Variants in C5 observed in about 807,000 individuals in gnomAD.
C5 encodes the protein complement C5, also known as C3 and PZP-like alpha-2-macroglobulin domain-containing protein 4.
A neutral mutation model predicts 218.8 loss-of-function variants in C5; 140 were observed. The ratio of observed to expected loss-of-function variants is 0.64; its 90% CI spans 0.56 to 0.74. The LOEUF (loss-of-function observed/expected upper bound fraction) is 0.74, where lower values mean the gene tolerates loss of function less well. Among genes scored for constraint, C5 ranks in the 30% least tolerant of loss-of-function variants. C5 has a pLI of 0.00. For synonymous variants in C5, 614 were observed against 682.3 expected, an observed-to-expected ratio of 0.90 and a Z score of 1.56; for missense variants, 1,700 against 1,969.6, an observed-to-expected ratio of 0.86 and a Z score of 2.59.
At chr9:120,984,611 A>C (rs1006357021) in intron 25 of C5, among the ~76,000 whole-genome samples, 1 of 152,182 alleles carries the variant, frequency 6.6e-6, no homozygotes, top group Non-Finnish European at 1.5e-5. Flanking sequence ...AATAAATAGA[A>C]ACAACGGACT....
chr9:121,042,461 CT>C (rs1455027561), intron 3 of C5, among the ~76,000 whole-genome samples: 7 of 152,172 alleles, frequency 4.6e-5, no homozygotes, highest in Non-Finnish European at 7.3e-5. Context: ...ATCTGATCCC[CT>C]AGGTTAGATT....
intron 9 of C5, among the ~76,000 whole-genome samples, chr9:121,024,860 T>C (rs905038836): frequency 2.6e-5 from 4 of 152,260 alleles, no homozygotes; most frequent in Admixed American, 2.6e-4. Context: ...CATACATCAT[T>C]AATGTTTGCA....
intron 28 of C5, among the ~76,000 whole-genome samples, chr9:120,977,715 C>T (rs10760132): frequency 0.4 from 60,128 of 152,056 alleles, 12,552 homozygotes; most frequent in South Asian, 0.62. Flanking sequence ...CCACTGCACC[C>T]GGCCTCAATC....
rs1245210107 is a variant in C5 at position 121,008,511 on chromosome 9, A to G, written c.2258-13T>C. 3.2e-6 allele frequency: 5 copies of G among 1,565,204 alleles called. No individual in the cohort carries two copies. Among genetic ancestry groups the G allele is most frequent in the African/African-American group, 1.4e-5 (1 of 73,926 alleles). On this transcript the variant is annotated splice_polypyrimidine_tract_variant and intron_variant, in intron 17 of 40. Coordinates refer to ENST00000223642, the MANE Select transcript of C5 (RefSeq NM_001735.3). ...AGGGTCTTCATGTCTGGACAAAAAA[A>G]TCATATTCAATTATGGAAAAACAAT...
At chr9:121,045,221 T>A (rs1463133176) in intron 2 of C5, among the ~76,000 whole-genome samples, 1 of 152,164 alleles carries the variant, frequency 6.6e-6, no homozygotes, top group African/African-American at 2.4e-5. Context: ...TATGTTTGAC[T>A]AGAAATTTTT....
intron 20 of C5, among the ~76,000 whole-genome samples, chr9:121,003,937 C>T (rs1052554637): frequency 7.9e-5 from 12 of 152,028 alleles, no homozygotes; most frequent in African/African-American, 2.9e-4. Flanking sequence ...GGCGCAATCT[C>T]GGCTCACTGC....
At chr9:121,023,577 A>C in intron 9 of C5, 58 bp from the exon 10 acceptor site, 1 of 936,748 alleles carries the variant, frequency 1.1e-6, no homozygotes, top group Non-Finnish European at 1.8e-6. Flanking sequence ...ATCTGTATGG[A>C]TATCCATTTC....
chr9:121,026,701 G>A (rs1473746952), intron 8 of C5, among the ~76,000 whole-genome samples: 1 of 152,132 alleles, frequency 6.6e-6, no homozygotes, highest in Non-Finnish European at 1.5e-5. Flanking sequence ...TGTGAAGAAT[G>A]TGTTAAGAAA....
At chr9:121,027,324 G>A (rs770231379) in intron 7 of C5, 50 bp from the exon 8 acceptor site, 4 of 879,452 alleles carry the variant, frequency 4.5e-6, no homozygotes, top group Non-Finnish European at 7.5e-6. Flanking sequence ...TACAATAACA[G>A]GATTCAGATA....
intron 22 of C5, 32 bp from the exon 23 acceptor site, chr9:120,991,312 G>A: frequency 8.5e-7 from 1 of 1,182,298 alleles, no homozygotes. Context: ...TTTATACAGA[G>A]TTTCCAGGGG....
At chr9:121,009,984 C>T (rs149929444) in intron 17 of C5, among the ~76,000 whole-genome samples, 16 of 152,326 alleles carry the variant, frequency 1.1e-4, no homozygotes, top group African/African-American at 3.4e-4. Context: ...AGAGGGGCAT[C>T]GCTCATCCCA....
In C5 at chr9:120,962,744, G is replaced by A; in HGVS notation, c.4431C>T (p.Phe1477=). The change falls in exon 36 of 41, where the codon TTC becomes TTT. Residue 1477 remains phenylalanine (F), a synonymous_variant. Coordinates refer to ENST00000223642, the MANE Select transcript of C5 (RefSeq NM_001735.3). ...IPSSDFLCVR[F]RIFELFEVGF... is the part of the protein sequence containing the mutation. ...CAACTTCAAAGAGTTCAAATATCCGGAATCGTACACAAAGGAAATCACTGG... is the reference window on the plus strand; with the variant it reads ...CAACTTCAAAGAGTTCAAATATCCGAAATCGTACACAAAGGAAATCACTGG... 2.5e-6 allele frequency: 4 copies of A among 1,614,046 alleles called. No homozygotes were observed. Among genetic ancestry groups the A allele is most frequent in the Non-Finnish European group, 3.4e-6 (4 of 1,179,942 alleles).
At chr9:120,956,952 T>C (rs1376973633) in intron 39 of C5, 4 of 345,902 alleles carry the variant, frequency 1.2e-5, no homozygotes, top group Non-Finnish European at 2.2e-5. Context: ...AAATGATCTA[T>C]ATACCAAACC....
At chr9:120,968,594 C>T (rs2046886549) in intron 33 of C5, among the ~76,000 whole-genome samples, 1 of 152,230 alleles carries the variant, frequency 6.6e-6, no homozygotes, top group South Asian at 2.1e-4. Flanking sequence ...GTTCTCAACC[C>T]TGGCTACCAT....
rs374474286 is a variant in C5, at chr9:121,017,638, C to A, written c.1716+5G>T. The A allele has an allele frequency of 1.3e-5, 21 of 1,612,568 alleles. No individual in the cohort carries two copies. The African/African-American group carries it at 2.0e-4, about 15-fold the overall frequency. On this transcript the variant is annotated splice_donor_5th_base_variant and intron_variant, in intron 13 of 40. Coordinates refer to ENST00000223642, the MANE Select transcript of C5 (RefSeq NM_001735.3). ...TTCAATTGTGACTTATAATTTGTGG[C>A]TTACCTGGAGCTGGTTGCCACATTT...
At chr9:120,993,071 T>C (rs1464989561) in intron 22 of C5, among the ~76,000 whole-genome samples, 1 of 152,194 alleles carries the variant, frequency 6.6e-6, no homozygotes. Flanking sequence ...CTTAAAATCA[T>C]TAGTAACCAG....
intron 6 of C5, among the ~76,000 whole-genome samples, 187 bp downstream of exon 6, chr9:121,031,926 T>G (rs925958337): frequency 6.6e-6 from 1 of 151,924 alleles, no homozygotes; most frequent in Admixed American, 6.6e-5. Flanking sequence ...TAGCCGGCTA[T>G]GGTGGTTGGT....
In C5 at chr9:121,050,235, CA is replaced by C; in HGVS notation, c.11del (p.Leu4TrpfsTer7). 6.2e-7 allele frequency: 1 copy of C among 1,613,756 alleles called. No individual in the cohort carries two copies. The highest frequency in any genetic ancestry group is 1.3e-5 in the African/African-American group (1 of 75,020). MGLLGILCFLIFLG... is the reference protein window; with the variant it reads MGLXGILCFLIFLG... ...GGAAGATTAAAAAACAAAGTATTCC[CA>C]AAAGGCCCATGGTTGGAGGTAGCAG... On this transcript the variant is annotated frameshift_variant, in exon 1 of 41. Coordinates refer to ENST00000223642, the MANE Select transcript of C5 (RefSeq NM_001735.3). LOFTEE classifies it high-confidence loss of function.
At chr9:120,980,932 T>C (rs1400130453) in intron 27 of C5, among the ~76,000 whole-genome samples, 1 of 152,110 alleles carries the variant, frequency 6.6e-6, no homozygotes, top group Admixed American at 6.5e-5. Context: ...CTCAGCGTAG[T>C]TGCAACAGGC....
Sources: gnomAD v4.1 joint callset for allele counts (sites outside exome capture counted in the v4.1 genomes callset) on GRCh38, gnomAD v4.1.1 for gene constraint, MANE v1.5 for transcripts, NCBI Gene and HGNC (gene_info 2026-07-23, HGNC 2026-07-21) for gene names.